The following PTPN22 variants were observed in gnomAD, a reference collection of about 807,000 sequenced individuals.
PTPN22 encodes tyrosine-protein phosphatase non-receptor type 22.
PTPN22 carries 85 observed loss-of-function variants against 103.3 expected under a neutral mutation model. The ratio of observed to expected loss-of-function variants is 0.82; its 90% CI spans 0.69 to 0.99. PTPN22 has a LOEUF of 0.99. PTPN22 is among the 50% of genes least tolerant of loss of function. The pLI, the probability that PTPN22 is intolerant of heterozygous loss-of-function variation, is 0.00. For missense variants in PTPN22, 865 were observed against 936.9 expected (o/e 0.92, Z 1.00); for synonymous variants, 323 against 310.2 (o/e 1.04, Z -0.43).
At chr1:113,871,390 G>T in intron 1 of PTPN22, 147 bp downstream of exon 1, 1 of 600,744 alleles carries the variant, frequency 1.7e-6, no homozygotes, top group Non-Finnish European at 2.9e-6. Flanking sequence ...ACCACTCAGA[G>T]AAGTCAAACT....
At position 113,856,444 on chromosome 1, in the gene PTPN22, A is replaced by G; in HGVS notation, c.481-3T>C. ...TCAGATTTCCTTTTTTCAGCTTCCTAAAAAGAAAAAGAAGACTCAAGTATT... is the reference window on the plus strand; with the variant it reads ...TCAGATTTCCTTTTTTCAGCTTCCTGAAAAGAAAAAGAAGACTCAAGTATT... On this transcript the variant is annotated splice_polypyrimidine_tract_variant and splice_region_variant and intron_variant, in intron 6 of 20. Coordinates refer to ENST00000359785, the Ensembl canonical transcript of PTPN22. The G allele has an allele frequency of 6.2e-7, 1 of 1,606,266 alleles. No individual in the cohort carries two copies. Among genetic ancestry groups the G allele is most frequent in the Non-Finnish European group, 8.5e-7 (1 of 1,176,052 alleles).
exon 13 of PTPN22, chr1:113,838,301 G>A: frequency 6.2e-7 from 1 of 1,613,384 alleles, no homozygotes; most frequent in Admixed American, 1.7e-5. Flanking sequence ...TGCAAAACTA[G>A]CTCTTCTTTT....
At position 113,814,987 on chromosome 1, in the gene PTPN22, G is replaced by A; in HGVS notation, c.2360-18C>T. On this transcript the variant is annotated intron_variant, in intron 20 of 20. Coordinates refer to ENST00000359785, the Ensembl canonical transcript of PTPN22. ...TGCAAAACCTGGGAACAAAAATAAA[G>A]TTGAATGAAAAGAAAGATGTTTTAA... 1.3e-6 allele frequency: 2 copies of A among 1,584,768 alleles called. No individual in the cohort carries two copies. Among genetic ancestry groups the A allele is most frequent in the Non-Finnish European group, 1.7e-6 (2 of 1,159,628 alleles).
intron 20 of PTPN22, chr1:113,815,238 T>C (rs761506044): frequency 1.6e-4 from 48 of 292,508 alleles, no homozygotes; most frequent in Non-Finnish European, 2.5e-4. Context: ...TGGTTATATA[T>C]AGGCTTTGAT....
intron 10 of PTPN22, among the ~76,000 whole-genome samples, chr1:113,849,587 TTTA>T (rs1191646804): frequency 1.0e-4 from 5 of 49,250 alleles, no homozygotes; most frequent in African/African-American, 2.5e-4. Flanking sequence ...TATTTATTTA[TTTA>T]TTTATTTTTT....
chr1:113,861,390 G>A (rs576855765), intron 1 of PTPN22, among the ~76,000 whole-genome samples: 12 of 152,142 alleles, frequency 7.9e-5, no homozygotes, highest in Middle Eastern at 3.4e-3. Context: ...ACAGGCGCCC[G>A]CCACCATGCC....
chr1:113,828,842 G>A (rs1662304200), intron 18 of PTPN22, among the ~76,000 whole-genome samples: 1 of 151,938 alleles, frequency 6.6e-6, no homozygotes, highest in African/African-American at 2.4e-5. Flanking sequence ...TTGCCATGTT[G>A]CCCAGGCTGG....
chr1:113,871,602 G>T (rs1571500134), exon 1 of PTPN22: 3 of 1,613,958 alleles, frequency 1.9e-6, no homozygotes, highest in African/African-American at 1.3e-5. Flanking sequence ...AGGAACTTCT[G>T]CAGAATTTCT....
chr1:113,836,406 TATG>T (rs1156393856), intron 13 of PTPN22, among the ~76,000 whole-genome samples: 1 of 152,172 alleles, frequency 6.6e-6, no homozygotes, highest in African/African-American at 2.4e-5. Context: ...AAGGTATACA[TATG>T]ATAAAATTTT....
rs142030348 is a variant in PTPN22, at chr1:113,822,181, G to T, written c.2282-2527C>A. 8.0e-4 allele frequency among the ~76,000 whole-genome samples: 122 copies of T among 152,286 alleles called. 1 individual carries two copies. Among genetic ancestry groups the T allele is most frequent in the East Asian group, 2.1e-3 (11 of 5,182 alleles). On this transcript the variant is annotated intron_variant, in intron 19 of 20. Coordinates refer to ENST00000359785, the Ensembl canonical transcript of PTPN22. Reference sequence around the variant, plus strand: ...CAGTAAATTCCCCTTTTCTGCTGAAGTCAGCTTAAGTTAGGTTTTCTGTCA... The same window carrying T: ...CAGTAAATTCCCCTTTTCTGCTGAATTCAGCTTAAGTTAGGTTTTCTGTCA...
At chr1:113,823,648 A>C (rs1233694348) in intron 19 of PTPN22, 1 of 152,218 alleles carries the variant, frequency 6.6e-6, no homozygotes, top group African/African-American at 2.4e-5. Flanking sequence ...TTTATTTGAT[A>C]TTCTAGGCAG....
intron 1 of PTPN22, among the ~76,000 whole-genome samples, chr1:113,863,336 G>T (rs550148458): frequency 2.0e-5 from 3 of 152,158 alleles, no homozygotes; most frequent in Admixed American, 2.0e-4. Context: ...CAAGTGATCC[G>T]CCTGCCTCAG....
At chr1:113,830,542 A>G (rs893103837) in intron 16 of PTPN22, among the ~76,000 whole-genome samples, 16 of 152,206 alleles carry the variant, frequency 1.1e-4, no homozygotes, top group Non-Finnish European at 2.4e-4. Flanking sequence ...CAAACATACA[A>G]ATCAAATGAA....
intron 1 of PTPN22, among the ~76,000 whole-genome samples, chr1:113,865,523 C>T (rs998448799): frequency 6.6e-6 from 1 of 152,142 alleles, no homozygotes; most frequent in Non-Finnish European, 1.5e-5. Context: ...AGTAAGTAGG[C>T]AAAATGTTTT....
At chr1:113,859,207 A>G in intron 2 of PTPN22, 129 bp from the exon 3 acceptor site, 4 of 1,547,402 alleles carry the variant, frequency 2.6e-6, no homozygotes, top group Non-Finnish European at 3.5e-6. Context: ...TGAATGAATG[A>G]ATATTCTTTT....
intron 11 of PTPN22, among the ~76,000 whole-genome samples, chr1:113,842,002 C>G (rs548052842): frequency 6.6e-6 from 1 of 151,702 alleles, no homozygotes; most frequent in East Asian, 1.9e-4. Context: ...GCCAGGAGTT[C>G]AAGACTAGCC....
intron 11 of PTPN22, 32 bp downstream of exon 11, chr1:113,848,508 T>C: frequency 6.2e-7 from 1 of 1,608,458 alleles, no homozygotes; most frequent in African/African-American, 1.3e-5. Context: ...GTATGAAAAT[T>C]TTTTTGACAT....
intron 9 of PTPN22, among the ~76,000 whole-genome samples, chr1:113,852,363 A>G (rs970832825): frequency 6.6e-6 from 1 of 152,152 alleles, no homozygotes; most frequent in Non-Finnish European, 1.5e-5. Flanking sequence ...CTATAGATAT[A>G]ACGAGGGACA....
intron 18 of PTPN22, among the ~76,000 whole-genome samples, chr1:113,826,659 ATTTTTTTTT>A (rs10563752): frequency 6.3e-5 from 4 of 63,110 alleles, no homozygotes; most frequent in South Asian, 8.6e-4. Flanking sequence ...GGAGTCTCTA[ATTTTTTTTT>A]TTTTTTTTTT....
Sources: allele counts gnomAD v4.1 joint callset (sites outside exome capture counted in the v4.1 genomes callset), GRCh38; gene constraint gnomAD v4.1.1; transcripts MANE v1.5; gene names NCBI Gene and HGNC (gene_info 2026-07-23, HGNC 2026-07-21).